Variants in CDH13 observed in about 807,000 individuals in gnomAD.
CDH13 encodes the protein cadherin 13.
Under a neutral mutation model 63.8 loss-of-function variants are expected in CDH13, and 24 were observed. The observed-to-expected ratio is 0.38, with a 90% CI of 0.27 to 0.53. The LOEUF (loss-of-function observed/expected upper bound fraction) is 0.53, where lower values mean the gene tolerates loss of function less well. Ranked by LOEUF, CDH13 falls within the 20% of genes least tolerant of loss-of-function variation. CDH13 has a pLI of 0.85. For missense variants in CDH13, 1,049 were observed against 903.1 expected (o/e 1.16, Z -2.07); for synonymous variants, 503 against 355.3 (o/e 1.42, Z -4.67).
At chr16:82,741,262 T>G (rs1301336416) in intron 1 of CDH13, among the ~76,000 whole-genome samples, 2 of 152,224 alleles carry the variant, frequency 1.3e-5, no homozygotes, top group East Asian at 3.8e-4. Context: ...CATCATTCTG[T>G]GTGAATTTAC....
chr16:82,881,328 A>G (rs567331931), intron 2 of CDH13, among the ~76,000 whole-genome samples: 8 of 152,180 alleles, frequency 5.3e-5, no homozygotes, highest in African/African-American at 1.9e-4. Context: ...ATTAGGGAGT[A>G]TTCTGGGGGT....
intron 6 of CDH13, among the ~76,000 whole-genome samples, chr16:83,485,966 A>G (rs962990334): frequency 4.6e-5 from 7 of 152,132 alleles, no homozygotes; most frequent in African/African-American, 1.7e-4. Flanking sequence ...AAAATGGTTA[A>G]ACCCCATTTA....
At chr16:83,451,047 G>GC (rs1168715813) in intron 6 of CDH13, among the ~76,000 whole-genome samples, 2 of 152,096 alleles carry the variant, frequency 1.3e-5, no homozygotes, top group Non-Finnish European at 2.9e-5. Context: ...TTTAATAAGC[G>GC]CCCCCAGTGA....
chr16:83,725,068 C>A lies in CDH13; in HGVS notation c.1539-23040C>A, dbSNP rs1910222881. 7.2e-5 allele frequency among the ~76,000 whole-genome samples: 11 copies of A among 152,258 alleles called. No individual in the cohort carries two copies. In the South Asian group the frequency reaches 2.3e-3, roughly 32 times the overall value. ...AGAAAGAAAGAGATGAATAAACAGA[C>A]CCTTTTAGTATAAAAGCTATGATGA... is the stretch of plus-strand genomic sequence containing the variant. On this transcript the variant is annotated intron_variant, in intron 10 of 13. Coordinates refer to ENST00000567109, the MANE Select transcript of CDH13 (RefSeq NM_001257.5).
chr16:83,614,671 G>T (rs1346192000), intron 8 of CDH13, among the ~76,000 whole-genome samples: 2 of 152,174 alleles, frequency 1.3e-5, no homozygotes, highest in Non-Finnish European at 1.5e-5. Context: ...AGATTTGAGG[G>T]TTGGTCAGGA....
chr16:83,632,522 C>A (rs8047681), intron 8 of CDH13, among the ~76,000 whole-genome samples: 110,076 of 151,558 alleles, frequency 0.73, 40,123 homozygotes, highest in Middle Eastern at 0.88. Flanking sequence ...GTTCTCAGAT[C>A]AGGAAGCTGA....
intron 1 of CDH13, among the ~76,000 whole-genome samples, chr16:82,726,079 C>G (rs1416361009): frequency 1.3e-5 from 2 of 152,096 alleles, no homozygotes; most frequent in African/African-American, 2.4e-5. Flanking sequence ...AATCATGGGA[C>G]ATTTCTGGTG....
chr16:82,671,077 T>C (rs1390774993), intron 1 of CDH13, among the ~76,000 whole-genome samples: 1 of 152,140 alleles, frequency 6.6e-6, no homozygotes, highest in Non-Finnish European at 1.5e-5. Flanking sequence ...TCGTGGGTAT[T>C]AGATGGCGAG....
chr16:83,192,285 C>T (rs925591385), intron 4 of CDH13, among the ~76,000 whole-genome samples: 1 of 152,196 alleles, frequency 6.6e-6, no homozygotes, highest in African/African-American at 2.4e-5. Context: ...CAGCAGGTAA[C>T]TACGTAGTGT....
At chr16:83,557,534 T>A (rs1405241280) in intron 7 of CDH13, among the ~76,000 whole-genome samples, 1 of 152,104 alleles carries the variant, frequency 6.6e-6, no homozygotes. Context: ...CAAACGAAGC[T>A]CTCTGTAAGC....
intron 6 of CDH13, among the ~76,000 whole-genome samples, chr16:83,462,947 C>G (rs1015346376): frequency 1.3e-5 from 2 of 152,090 alleles, no homozygotes; most frequent in African/African-American, 4.8e-5. Context: ...ACCCTCCTCT[C>G]GAGGAAGCTA....
chr16:82,895,220 G>C (rs1490691810), intron 2 of CDH13, among the ~76,000 whole-genome samples: 2 of 152,186 alleles, frequency 1.3e-5, no homozygotes, highest in East Asian at 3.9e-4. Context: ...TCTACCTCCA[G>C]CCCTTGACAT....
chr16:83,243,462 C>G (rs559024245), intron 5 of CDH13, among the ~76,000 whole-genome samples: 309 of 152,224 alleles, frequency 2.0e-3, no homozygotes, highest in African/African-American at 6.6e-3. Context: ...CCCCATGATT[C>G]ACTTACCTCT....
intron 1 of CDH13, among the ~76,000 whole-genome samples, chr16:82,844,000 C>G (rs1367911183): frequency 6.6e-6 from 1 of 152,188 alleles, no homozygotes; most frequent in East Asian, 1.9e-4. Context: ...ACTTATAGAA[C>G]TTTCCTTTCC....
At chr16:83,768,280 T>A (rs1206382606) in intron 11 of CDH13, among the ~76,000 whole-genome samples, 1 of 151,146 alleles carries the variant, frequency 6.6e-6, no homozygotes, top group Non-Finnish European at 1.5e-5. Context: ...GAAAAAAAAA[T>A]CTCAGTGTTT....
chr16:83,244,493 C>G (rs1904788125), intron 5 of CDH13, among the ~76,000 whole-genome samples: 1 of 152,136 alleles, frequency 6.6e-6, no homozygotes, highest in Non-Finnish European at 1.5e-5. Flanking sequence ...AACATACATT[C>G]TCTAAGTCTG....
At chr16:83,004,464 T>A (rs753588457) in intron 2 of CDH13, among the ~76,000 whole-genome samples, 7 of 152,198 alleles carry the variant, frequency 4.6e-5, no homozygotes, top group Admixed American at 6.5e-5. Flanking sequence ...AAGGTAACTC[T>A]TCTTTTGAAT....
At chr16:83,068,647 C>G (rs2032208488) in intron 3 of CDH13, among the ~76,000 whole-genome samples, 1 of 152,128 alleles carries the variant, frequency 6.6e-6, no homozygotes, top group Non-Finnish European at 1.5e-5. Context: ...CCTCCATGGT[C>G]TTCATCTTTA....
At chr16:83,562,647 T>G (rs559437371) in intron 7 of CDH13, among the ~76,000 whole-genome samples, 2 of 152,318 alleles carry the variant, frequency 1.3e-5, no homozygotes, top group African/African-American at 2.4e-5. Flanking sequence ...CCTTCAACCT[T>G]CATGCCACAT....
Sources: allele counts gnomAD v4.1 joint callset (sites outside exome capture counted in the v4.1 genomes callset), GRCh38; gene constraint gnomAD v4.1.1; transcripts MANE v1.5; gene names NCBI Gene and HGNC (gene_info 2026-07-23, HGNC 2026-07-21).